JADE2: variants seen among roughly 807,000 people sequenced by gnomAD.
JADE2 encodes jade family PHD finger 2, also known as E3 ubiquitin-protein ligase Jade-2.
A neutral mutation model predicts 85.7 loss-of-function variants in JADE2; 13 were observed. That is an observed-to-expected ratio of 0.15 (90% CI 0.10 to 0.24). The LOEUF is 0.24. Among genes scored for constraint, JADE2 ranks in the 10% least tolerant of loss-of-function variants. The probability of loss-of-function intolerance (pLI) is 1.00; values close to 1 mark genes in which losing one functional copy is unlikely to be tolerated. For synonymous variants in JADE2, 440 were observed against 456.1 expected (o/e 0.96, Z 0.45); for missense variants, 846 against 1,115.9 (o/e 0.76, Z 3.45).
At chr5:134,564,643 A>T in intron 8 of JADE2, 33 bp downstream of exon 8, 2 of 1,420,784 alleles carry the variant, frequency 1.4e-6, no homozygotes, top group South Asian at 2.6e-5. Flanking sequence ...TGCTGCCAGG[A>T]GCTGGCTGAG....
upstream of JADE2, chr5:134,525,577 C>G (rs910820818): frequency 5.1e-4 from 216 of 422,566 alleles, 1 homozygote; most frequent in Non-Finnish European, 6.6e-4. Context: ...CTCCCCCTCC[C>G]TCGCTCCTCC....
chr5:134,551,257 G>A (rs1762575776), intron 3 of JADE2, among the ~76,000 whole-genome samples: 1 of 151,884 alleles, frequency 6.6e-6, no homozygotes, highest in South Asian at 2.1e-4. Flanking sequence ...TTGAGACAGG[G>A]ACTCACTGTC....
chr5:134,567,251 C>T (rs1468460331), intron 9 of JADE2, among the ~76,000 whole-genome samples: 1 of 152,104 alleles, frequency 6.6e-6, no homozygotes, highest in Non-Finnish European at 1.5e-5. Flanking sequence ...CTGGAAGCTG[C>T]AGAAGTGCTA....
intron 10 of JADE2, chr5:134,574,400 G>T (rs115378400): frequency 0.017 from 2,688 of 157,472 alleles, 44 homozygotes; most frequent in Middle Eastern, 0.043. Flanking sequence ...TTCTTGGAGC[G>T]TATACATGTT....
intron 4 of JADE2, among the ~76,000 whole-genome samples, chr5:134,556,332 C>G (rs72798657): frequency 0.15 from 22,335 of 152,144 alleles, 1,853 homozygotes; most frequent in African/African-American, 0.22. Flanking sequence ...CACAGCTGAG[C>G]CAAGGGGAAA....
intron 10 of JADE2, among the ~76,000 whole-genome samples, chr5:134,576,439 A>G (rs1163465338): frequency 6.6e-6 from 1 of 152,090 alleles, no homozygotes; most frequent in Non-Finnish European, 1.5e-5. Flanking sequence ...CTGGCATTCA[A>G]GGCCCTGCCC....
intron 1 of JADE2, 39 bp downstream of exon 1, chr5:134,526,050 C>T: frequency 1.0e-6 from 1 of 985,402 alleles, no homozygotes; most frequent in East Asian, 1.1e-4. Context: ...CTGCGCATCT[C>T]CACGACGTTA....
intron 1 of JADE2, among the ~76,000 whole-genome samples, chr5:134,530,886 C>T (rs1184344275): frequency 6.6e-6 from 1 of 152,148 alleles, no homozygotes; most frequent in Non-Finnish European, 1.5e-5. Context: ...TGTGTGGTCC[C>T]GACACTTCTT....
chr5:134,547,056 T>C (rs913992290), intron 3 of JADE2, among the ~76,000 whole-genome samples: 3 of 152,222 alleles, frequency 2.0e-5, no homozygotes, highest in African/African-American at 7.2e-5. Flanking sequence ...TTTGTCACTA[T>C]CTTTATTTGC....
intron 9 of JADE2, among the ~76,000 whole-genome samples, chr5:134,568,870 C>T (rs559691775): frequency 7.6e-4 from 116 of 152,362 alleles, no homozygotes; most frequent in Admixed American, 1.5e-3. Flanking sequence ...GCCTGGCCAG[C>T]GGGCCCAGTC....
intron 1 of JADE2, among the ~76,000 whole-genome samples, chr5:134,528,489 C>T (rs1761025465): frequency 6.6e-6 from 1 of 152,188 alleles, no homozygotes; most frequent in South Asian, 2.1e-4. Flanking sequence ...AAAGCTGACC[C>T]AGGCAGGGAG....
intron 8 of JADE2, among the ~76,000 whole-genome samples, chr5:134,565,033 C>G (rs1282125568): frequency 6.6e-6 from 1 of 152,138 alleles, no homozygotes; most frequent in African/African-American, 2.4e-5. Context: ...AAGCCTATTC[C>G]CAAAGTCTAG....
At chr5:134,577,717 G>A (rs1764463736) in intron 11 of JADE2, among the ~76,000 whole-genome samples, 1 of 152,124 alleles carries the variant, frequency 6.6e-6, no homozygotes, top group Non-Finnish European at 1.5e-5. Context: ...CCCGCAAAAA[G>A]AAGGGGATAA....
At chr5:134,549,897 G>C (rs181740858) in intron 3 of JADE2, among the ~76,000 whole-genome samples, 1 of 152,242 alleles carries the variant, frequency 6.6e-6, no homozygotes, top group Non-Finnish European at 1.5e-5. Flanking sequence ...GAATCACTTT[G>C]GGGTCAGTTC....
intron 3 of JADE2, among the ~76,000 whole-genome samples, chr5:134,550,806 A>G (rs916403112): frequency 1.6e-4 from 25 of 151,540 alleles, no homozygotes; most frequent in Non-Finnish European, 2.1e-4. Flanking sequence ...AGCAGACAAA[A>G]CTCTGGCAAG....
intron 9 of JADE2, among the ~76,000 whole-genome samples, chr5:134,569,057 A>T (rs537241689): frequency 6.6e-6 from 1 of 152,156 alleles, no homozygotes; most frequent in Admixed American, 6.5e-5. Context: ...TTCAGTTTCT[A>T]CTTCTCTGAG....
Position 134,555,253 on chromosome 5 carries a change from G to A in JADE2, c.311+3044G>A, listed in dbSNP as rs142087933. Among the ~76,000 whole-genome samples, 1,152 of 151,838 alleles carry A rather than the reference G, an allele frequency of 7.6e-3. 14 individuals carry two copies. The highest frequency in any genetic ancestry group is 0.025 in the African/African-American group (1,056 of 41,524). On this transcript the variant is annotated intron_variant, in intron 4 of 11. Coordinates refer to ENST00000681547, the MANE Select transcript of JADE2 (RefSeq NM_001388185.1). ...CCCTCTCCAGACTGAATTGAGTGAG[G>A]GCCTGTCCTGCCCCTCACTGGGGCC...
At position 134,559,843 on chromosome 5, in the gene JADE2, C is replaced by T. The variant is rs1033246911; in HGVS notation, c.325C>T (p.Leu109=). 6.2e-6 allele frequency: 10 copies of T among 1,610,508 alleles called. No homozygotes were observed. The African/African-American group carries it at 6.7e-5, about 11-fold the overall frequency. Residue 109 remains leucine, a synonymous_variant, in exon 5 of 12, where the codon CTG becomes TTG. Transcript: ENST00000681547. The part of the protein sequence containing the change: ...PEPVVRILPP[L]EGPPAQASPS... ...TTGATTTTCTAGGATCCTCCCACCA[C>T]TGGAAGGCCCCCCTGCCCAGGCATC...
At chr5:134,533,647 T>C (rs943518782) in intron 1 of JADE2, 15 of 886,366 alleles carry the variant, frequency 1.7e-5, no homozygotes, top group South Asian at 5.2e-5. Context: ...AGGACAAAGC[T>C]GGGTTGCGCT....
Sources: gnomAD v4.1 joint callset for allele counts (sites outside exome capture counted in the v4.1 genomes callset) on GRCh38, gnomAD v4.1.1 for gene constraint, MANE v1.5 for transcripts, NCBI Gene and HGNC (gene_info 2026-07-23, HGNC 2026-07-21) for gene names.